The following TET3 variants were observed in gnomAD, a reference collection of about 807,000 sequenced individuals.
TET3 encodes methylcytosine dioxygenase TET3.
TET3 carries 19 observed loss-of-function variants against 141.4 expected under a neutral mutation model. That is an observed-to-expected ratio of 0.13 (90% CI 0.09 to 0.20). The LOEUF is 0.20. TET3 is among the 10% of genes least tolerant of loss of function. The pLI, the probability that TET3 is intolerant of heterozygous loss-of-function variation, is 1.00. For missense variants in TET3, 1,874 were observed against 2,356.9 expected (o/e 0.80, Z 4.24); for synonymous variants, 1,043 against 980.9 (o/e 1.06, Z -1.18).
At chr2:74,088,714 A>G (rs1043552256) in intron 7 of TET3, among the ~76,000 whole-genome samples, 5 of 152,224 alleles carry the variant, frequency 3.3e-5, no homozygotes, top group African/African-American at 7.2e-5. Flanking sequence ...TTTATTTACA[A>G]TAAAATTCAT....
intron 4 of TET3, among the ~76,000 whole-genome samples, chr2:74,053,250 C>CCT (rs1688045426): frequency 6.6e-6 from 1 of 152,166 alleles, no homozygotes; most frequent in African/African-American, 2.4e-5. Flanking sequence ...GAGTCCCCCC[C>CCT]CAACCATCCT....
intron 2 of TET3, among the ~76,000 whole-genome samples, chr2:73,994,178 A>G (rs1267046001): frequency 6.6e-6 from 1 of 152,156 alleles, no homozygotes; most frequent in Non-Finnish European, 1.5e-5. Context: ...AGCAGGTAGG[A>G]ATAACTGAAA....
chr2:74,049,807 G>A (rs1558748191), intron 4 of TET3, among the ~76,000 whole-genome samples: 1 of 152,138 alleles, frequency 6.6e-6, no homozygotes, highest in Non-Finnish European at 1.5e-5. Flanking sequence ...GGAGTCACAT[G>A]CAGAACAAGG....
chr2:74,047,030 G>T lies in TET3; in HGVS notation c.1113G>T (p.Pro371=), dbSNP rs146447469. Residue 371 remains proline (P), a synonymous_variant, in exon 4 of 12, where the codon CCG becomes CCT. Transcript: ENST00000409262. ...EALTQLSSAL[P]QPSHSTPQAS... ...TCACACAGCTCTCCTCTGCCCTCCCGCAGCCTTCTCATTCCACCCCCCAGG... is the reference window on the plus strand; with the variant it reads ...TCACACAGCTCTCCTCTGCCCTCCCTCAGCCTTCTCATTCCACCCCCCAGG... The T allele has an allele frequency of 6.8e-6, 11 of 1,613,750 alleles. No homozygotes were observed. The Admixed American group carries it at 8.3e-5, about 12-fold the overall frequency.
chr2:74,037,937 T>A (rs941395413), intron 3 of TET3, among the ~76,000 whole-genome samples: 1 of 152,246 alleles, frequency 6.6e-6, no homozygotes. Context: ...TGTTGTTGAC[T>A]GAACGAGGTG....
intron 4 of TET3, among the ~76,000 whole-genome samples, chr2:74,062,634 G>T (rs978371955): frequency 6.6e-6 from 1 of 152,138 alleles, no homozygotes; most frequent in Non-Finnish European, 1.5e-5. Context: ...ACCAGGGATG[G>T]TGCTGATGGG....
intron 3 of TET3, among the ~76,000 whole-genome samples, chr2:74,011,366 C>T (rs1685426145): frequency 6.6e-6 from 1 of 152,198 alleles, no homozygotes; most frequent in African/African-American, 2.4e-5. Flanking sequence ...AGTACCTTCA[C>T]CCCGTTCCCA....
rs1691144414 is a variant in TET3 at position 74,100,700 on chromosome 2, T to C, written c.3912T>C (p.Gly1304=). The change falls in exon 12 of 12, where the codon GGT becomes GGC. Residue 1304 remains glycine (G), a synonymous_variant. Transcript: ENST00000409262. ...PVFPSQFLGP[G]AWGHSGSSGS... ...TCCCCTCTCAGTTCCTGGGTCCTGGTGCCTGGGGGCACAGTGGCAGCAGTG... is the reference window on the plus strand; with the variant it reads ...TCCCCTCTCAGTTCCTGGGTCCTGGCGCCTGGGGGCACAGTGGCAGCAGTG... The C allele has an allele frequency of 6.2e-7, 1 of 1,613,868 alleles. No homozygotes were observed. Among genetic ancestry groups the C allele is most frequent in the Admixed American group, 1.7e-5 (1 of 60,012 alleles).
chr2:74,068,994 T>C (rs1291059481), intron 4 of TET3, among the ~76,000 whole-genome samples: 2 of 152,240 alleles, frequency 1.3e-5, no homozygotes, highest in Non-Finnish European at 2.9e-5. Flanking sequence ...CAGTAGTTAT[T>C]ACAAAGTTTT....
At chr2:74,033,021 C>A (rs1399663683) in intron 3 of TET3, among the ~76,000 whole-genome samples, 1 of 152,180 alleles carries the variant, frequency 6.6e-6, no homozygotes, top group Non-Finnish European at 1.5e-5. Context: ...TATGTGTGAT[C>A]TGCCTCTGTG....
rs530313290 is a variant in TET3, at chr2:74,101,753, C to T, written c.4965C>T (p.Ala1655=). The change falls in exon 12 of 12, where the codon GCC becomes GCT. Residue 1655 remains alanine (A), a synonymous_variant. Transcript: ENST00000409262. The surrounding 1 kb of genome is among the most constrained non-coding windows in gnomAD (Gnocchi z 8.5). Reference sequence around the variant, plus strand: ...TGGACGAGAACATCGGCGGCGTGGCCGTGGCCCCAGCCCACGGCTCCATCC... The same window carrying T: ...TGGACGAGAACATCGGCGGCGTGGCTGTGGCCCCAGCCCACGGCTCCATCC... ...NFLDENIGGV[A]VAPAHGSILI... is the part of the protein sequence containing the mutation. 2.7e-5 allele frequency: 43 copies of T among 1,613,068 alleles called. No individual in the cohort carries two copies. Among genetic ancestry groups the T allele is most frequent in the East Asian group, 6.7e-5 (3 of 44,876 alleles).
intron 4 of TET3, among the ~76,000 whole-genome samples, chr2:74,049,815 A>C (rs115311549): frequency 6.6e-6 from 1 of 152,226 alleles, no homozygotes; most frequent in African/African-American, 2.4e-5. Flanking sequence ...ATGCAGAACA[A>C]GGAAAATCTG....
intron 5 of TET3, among the ~76,000 whole-genome samples, chr2:74,077,734 G>GGGAA (rs1288010432): frequency 6.6e-6 from 1 of 152,196 alleles, no homozygotes; most frequent in Non-Finnish European, 1.5e-5. Context: ...CGGGATGGTG[G>GGGAA]GGAAGGTCCT....
At chr2:73,984,867 G>GGAGTCCCCGGGC (rs1683916340), upstream of TET3, among the ~76,000 whole-genome samples, 1 of 147,582 alleles carries the variant, frequency 6.8e-6, no homozygotes, top group Non-Finnish European at 1.5e-5. This position sits in a 1 kb window ranked among gnomAD's most constrained non-coding sequence, Gnocchi z 5.6. Context: ...CCCGGGCGGG[G>GGAGTCCCCGGGC]GAGTCCCCGG....
At chr2:74,126,205 T>G in the TET3 span, among the ~76,000 whole-genome samples, 4 of 152,262 alleles carry the variant, frequency 2.6e-5, no homozygotes, top group Non-Finnish European at 4.4e-5. Flanking sequence ...TTGGTTTTTA[T>G]ATATGGCACC....
intron 3 of TET3, among the ~76,000 whole-genome samples, chr2:74,028,029 G>A (rs1240851378): frequency 6.6e-6 from 1 of 151,494 alleles, no homozygotes; most frequent in African/African-American, 2.4e-5. Context: ...CTGTCATCTG[G>A]GCTAGAGTGC....
intron 3 of TET3, among the ~76,000 whole-genome samples, chr2:74,033,873 A>G (rs1686885259): frequency 6.6e-6 from 1 of 152,132 alleles, no homozygotes; most frequent in African/African-American, 2.4e-5. Flanking sequence ...AGGCGGGCGG[A>G]TCACCTGAGG....
intron 4 of TET3, among the ~76,000 whole-genome samples, chr2:74,050,713 C>T (rs1361292267): frequency 2.0e-5 from 3 of 152,028 alleles, no homozygotes; most frequent in South Asian, 2.1e-4. Flanking sequence ...CCATACTTGG[C>T]TAATTTTTAA....
intron 8 of TET3, 133 bp downstream of exon 8, chr2:74,090,180 A>G: frequency 2.2e-6 from 3 of 1,362,098 alleles, no homozygotes; most frequent in Non-Finnish European, 3.0e-6. Context: ...GTTTTTTTAA[A>G]AGCTGACCTT....
Sources: gnomAD v4.1 joint callset for allele counts (sites outside exome capture counted in the v4.1 genomes callset) on GRCh38, gnomAD v4.1.1 for gene constraint, Gnocchi (gnomAD v3.1) non-coding constraint, MANE v1.5 for transcripts, NCBI Gene and HGNC (gene_info 2026-07-23, HGNC 2026-07-21) for gene names.